SAMD3: variants seen among roughly 807,000 people sequenced by gnomAD.
SAMD3 encodes sterile alpha motif domain-containing protein 3.
Under a neutral mutation model 58.5 loss-of-function variants are expected in SAMD3, and 63 were observed. The ratio of observed to expected loss-of-function variants is 1.08; its 90% CI spans 0.88 to 1.33. SAMD3 has a LOEUF of 1.33. Ranked by LOEUF, SAMD3 falls within the 40% of genes most tolerant of loss-of-function variation. The pLI is 0.00. For synonymous variants in SAMD3, 220 were observed against 210.3 expected, an observed-to-expected ratio of 1.05 and a Z score of -0.40; for missense variants, 604 against 608.4, an observed-to-expected ratio of 0.99 and a Z score of 0.08.
intron 2 of SAMD3, among the ~76,000 whole-genome samples, chr6:130,250,867 T>A (rs1467131388): frequency 6.6e-6 from 1 of 152,212 alleles, no homozygotes; most frequent in African/African-American, 2.4e-5. Flanking sequence ...TTTTTTCTAC[T>A]TCTGGGCTCT....
chr6:130,149,911 A>G (rs1468777639), intron 9 of SAMD3, among the ~76,000 whole-genome samples: 2 of 152,184 alleles, frequency 1.3e-5, no homozygotes, highest in Non-Finnish European at 2.9e-5. Context: ...ACCCCAGATT[A>G]TGTCCTACAA....
chr6:130,261,198 A>G (rs1316688899), intron 2 of SAMD3, among the ~76,000 whole-genome samples: 2 of 123,732 alleles, frequency 1.6e-5, no homozygotes, highest in Non-Finnish European at 3.2e-5. Context: ...GCGTGCCTTT[A>G]TCAGCACTTT....
chr6:130,188,504 A>G (rs1793215481), intron 5 of SAMD3, among the ~76,000 whole-genome samples: 1 of 152,186 alleles, frequency 6.6e-6, no homozygotes, highest in African/African-American at 2.4e-5. Flanking sequence ...AGATGTGGAC[A>G]CTTCACTGGT....
At chr6:130,169,620 C>A (rs1791055138) in intron 8 of SAMD3, among the ~76,000 whole-genome samples, 1 of 152,156 alleles carries the variant, frequency 6.6e-6, no homozygotes, top group African/African-American at 2.4e-5. Context: ...CTTTCTGTAG[C>A]AAAGGGCCCT....
At chr6:130,270,900 A>G (rs972407944) in intron 2 of SAMD3, among the ~76,000 whole-genome samples, 2 of 152,242 alleles carry the variant, frequency 1.3e-5, no homozygotes, top group African/African-American at 4.8e-5. Flanking sequence ...AATTCTTAAA[A>G]GTGAAATTCC....
intron 1 of SAMD3, among the ~76,000 whole-genome samples, chr6:130,346,462 C>A (rs1388179297): frequency 6.6e-6 from 1 of 152,196 alleles, no homozygotes; most frequent in Admixed American, 6.5e-5. Context: ...GCCCACGGAG[C>A]CTCGCTCATT....
intron 2 of SAMD3, among the ~76,000 whole-genome samples, chr6:130,308,384 TA>T (rs1400859686): frequency 7.6e-4 from 106 of 139,376 alleles, no homozygotes; most frequent in African/African-American, 2.6e-3. Context: ...TATTCTATTC[TA>T]TTCTATTCTA....
At chr6:130,365,328 T>C (rs1229541618) in exon 1 of SAMD3, 1 of 985,328 alleles carries the variant, frequency 1.0e-6, no homozygotes, top group Non-Finnish European at 1.2e-6. Flanking sequence ...GTCTTCCATT[T>C]CCCCCGCCCA....
upstream of SAMD3, among the ~76,000 whole-genome samples, chr6:130,224,070 A>G (rs1796313690): frequency 6.6e-6 from 1 of 151,942 alleles, no homozygotes; most frequent in South Asian, 2.1e-4. Flanking sequence ...ATGGAATGGG[A>G]AGGCGGTCTT....
At chr6:130,247,838 TCTTTA>T (rs1773604637) in intron 2 of SAMD3, among the ~76,000 whole-genome samples, 1 of 152,244 alleles carries the variant, frequency 6.6e-6, no homozygotes, top group Non-Finnish European at 1.5e-5. Flanking sequence ...CATTTCTGTG[TCTTTA>T]CTTAAGTTTT....
downstream of SAMD3, among the ~76,000 whole-genome samples, chr6:130,143,443 A>T (rs1455033345): frequency 6.6e-6 from 1 of 152,036 alleles, no homozygotes; most frequent in Non-Finnish European, 1.5e-5. Flanking sequence ...AGCGTTTCAC[A>T]TTATTAGCCA....
chr6:130,161,369 ATAG>A (rs1275112552), intron 8 of SAMD3: 3 of 152,232 alleles, frequency 2.0e-5, no homozygotes, highest in African/African-American at 7.2e-5. Context: ...CTACTGAAAT[ATAG>A]TAGAAGTTAT....
At chr6:130,331,977 G>GT (rs1776948388) in intron 1 of SAMD3, among the ~76,000 whole-genome samples, 2 of 152,310 alleles carry the variant, frequency 1.3e-5, no homozygotes, top group South Asian at 4.1e-4. Context: ...CTGCTTAAAA[G>GT]TATCTCTGAC....
At chr6:130,315,957 G>T (rs143314540) in intron 1 of SAMD3, among the ~76,000 whole-genome samples, 1 of 152,256 alleles carries the variant, frequency 6.6e-6, no homozygotes, top group African/African-American at 2.4e-5. Context: ...TGGAAAGAAG[G>T]TTCATATCTT....
chr6:130,172,172 G>C (rs1791313440), intron 8 of SAMD3, among the ~76,000 whole-genome samples: 1 of 152,132 alleles, frequency 6.6e-6, no homozygotes, highest in Admixed American at 6.6e-5. Context: ...CAATTTGCCA[G>C]TCTGTGTCTT....
At chr6:130,218,805 A>G (rs939454897) in intron 1 of SAMD3, among the ~76,000 whole-genome samples, 1 of 147,680 alleles carries the variant, frequency 6.8e-6, no homozygotes, top group Non-Finnish European at 1.5e-5. Flanking sequence ...AACTCAAAGT[A>G]AAAAAAACCA....
intron 4 of SAMD3, among the ~76,000 whole-genome samples, chr6:130,213,077 G>A (rs1193200134): frequency 6.6e-6 from 1 of 152,104 alleles, no homozygotes; most frequent in Non-Finnish European, 1.5e-5. Flanking sequence ...GAGGCCAGGA[G>A]TTGGAGACCA....
intron 1 of SAMD3, among the ~76,000 whole-genome samples, chr6:130,361,320 C>A (rs937759687): frequency 6.6e-6 from 1 of 152,194 alleles, no homozygotes; most frequent in Admixed American, 6.5e-5. Flanking sequence ...TGTTCTTCTG[C>A]CATGGCTTCA....
intron 1 of SAMD3, among the ~76,000 whole-genome samples, chr6:130,321,343 C>T (rs147907877): frequency 3.9e-4 from 60 of 152,240 alleles, no homozygotes; most frequent in African/African-American, 1.4e-3. Flanking sequence ...GAAGCAGATA[C>T]TCTCCCAGTT....
Sources: allele counts gnomAD v4.1 joint callset (sites outside exome capture counted in the v4.1 genomes callset), GRCh38; gene constraint gnomAD v4.1.1; transcripts MANE v1.5; gene names NCBI Gene and HGNC (gene_info 2026-07-23, HGNC 2026-07-21).